Variants in DMD observed in about 807,000 individuals in gnomAD.
The protein encoded by DMD is mutant dystrophin.
In DMD, 63 loss-of-function variants were observed where a neutral mutation model predicts 330.1. The observed-to-expected ratio is 0.19, with a 90% confidence interval of 0.16 to 0.24. DMD has a LOEUF of 0.24. Among genes scored for constraint, DMD ranks in the 10% least tolerant of loss-of-function variants. The probability of loss-of-function intolerance (pLI) is 1.00; values close to 1 mark genes in which losing one functional copy is unlikely to be tolerated. For missense variants in DMD, 3,344 were observed against 2,684.1 expected (o/e 1.25, Z -5.43); for synonymous variants, 1,223 against 959.8 (o/e 1.27, Z -5.07).
At chrX:32,069,195 G>A (rs1287527860) in intron 44 of DMD, among the ~76,000 whole-genome samples, 2 of 111,055 alleles carry the variant, frequency 1.8e-5, no homozygotes, top group South Asian at 7.5e-4. Flanking sequence ...TGTTTCAGAT[G>A]GTGGATATCC....
intron 19 of DMD, among the ~76,000 whole-genome samples, chrX:32,498,624 A>G (rs918438866): frequency 3.6e-5 from 4 of 111,322 alleles, no homozygotes; most frequent in African/African-American, 6.5e-5. Context: ...CGGTCAATAA[A>G]CTCTTAATAT....
intron 9 of DMD, among the ~76,000 whole-genome samples, chrX:32,685,698 C>A (rs1212670109): frequency 2.7e-5 from 3 of 111,570 alleles, no homozygotes; most frequent in African/African-American, 6.5e-5. Flanking sequence ...GGATTTGCTA[C>A]ACATAAAAGA....
chrX:32,724,569 G>A (rs1241272610), intron 7 of DMD, among the ~76,000 whole-genome samples: 3 of 111,550 alleles, frequency 2.7e-5, no homozygotes, highest in Non-Finnish European at 3.8e-5. Context: ...AACCCAATGT[G>A]AAGTATATCA....
At chrX:32,437,500 ATTAT>A (rs1461141778) in intron 29 of DMD, among the ~76,000 whole-genome samples, 1 of 111,724 alleles carries the variant, frequency 9.0e-6, no homozygotes, top group Admixed American at 9.5e-5. Flanking sequence ...CATACGTTAT[ATTAT>A]TTGTTTTTAT....
chrX:31,466,889 A>G (rs1387832610), intron 59 of DMD, among the ~76,000 whole-genome samples: 1 of 111,365 alleles, frequency 9.0e-6, no homozygotes. Context: ...CATCCCTTCT[A>G]AGTTGTATTC....
intron 34 of DMD, among the ~76,000 whole-genome samples, chrX:32,377,066 A>T (rs771422276): frequency 3.9e-4 from 43 of 111,686 alleles, no homozygotes; most frequent in African/African-American, 1.3e-3. Context: ...GTGACTTCTG[A>T]TTCTCCAATT....
At chrX:31,823,390 C>T (rs2092817307) in intron 49 of DMD, among the ~76,000 whole-genome samples, 1 of 111,421 alleles carries the variant, frequency 9.0e-6, no homozygotes, top group East Asian at 2.8e-4. Context: ...AAGAGGAGTT[C>T]AGTAAATATT....
chrX:31,251,164 C>CTTT (rs375001363), intron 63 of DMD, among the ~76,000 whole-genome samples: 1 of 101,942 alleles, frequency 9.8e-6, no homozygotes, highest in Non-Finnish European at 2.0e-5. Flanking sequence ...GTGATAGCTT[C>CTTT]TTTTTTTTTT....
chrX:33,248,186 C>T (rs1334163002), intron 1 of DMD, among the ~76,000 whole-genome samples: 1 of 110,226 alleles, frequency 9.1e-6, no homozygotes, highest in Non-Finnish European at 1.9e-5. Flanking sequence ...CGACTACAGG[C>T]ACCCGCCACC....
At chrX:32,705,588 T>G (rs982322653) in intron 7 of DMD, among the ~76,000 whole-genome samples, 3 of 111,384 alleles carry the variant, frequency 2.7e-5, no homozygotes, top group African/African-American at 9.8e-5. Context: ...ACGAGGCAGG[T>G]GCATCGCCTG....
chrX:32,737,791 A>G (rs1484830870), intron 7 of DMD, among the ~76,000 whole-genome samples: 1 of 111,868 alleles, frequency 8.9e-6, no homozygotes, highest in African/African-American at 3.2e-5. Flanking sequence ...TCAATAGTAC[A>G]TGAATGAGTA....
intron 12 of DMD, among the ~76,000 whole-genome samples, chrX:32,599,732 C>G (rs971725471): frequency 9.0e-6 from 1 of 111,461 alleles, no homozygotes; most frequent in Non-Finnish European, 1.9e-5. Context: ...CATACACATA[C>G]ACATATATAC....
At chrX:31,640,993 A>C (rs1373142778) in intron 54 of DMD, among the ~76,000 whole-genome samples, 2 of 111,862 alleles carry the variant, frequency 1.8e-5, no homozygotes, top group Non-Finnish European at 3.8e-5. Flanking sequence ...GAAAACATGA[A>C]TCTAGAAAAG....
intron 47 of DMD, among the ~76,000 whole-genome samples, chrX:31,917,523 G>A (rs918542802): frequency 4.5e-5 from 5 of 111,633 alleles, no homozygotes; most frequent in African/African-American, 6.5e-5. Flanking sequence ...TTGCAGTGGC[G>A]GTGGTTCATT....
At chrX:32,456,576 CTTTG>C (rs1260331750) in intron 25 of DMD, among the ~76,000 whole-genome samples, 1 of 62,697 alleles carries the variant, frequency 1.6e-5, no homozygotes, top group African/African-American at 6.3e-5. Flanking sequence ...CACATACATA[CTTTG>C]TGTGTGTGTG....
intron 4 of DMD, among the ~76,000 whole-genome samples, chrX:32,832,586 G>C (rs759951081): frequency 9.0e-6 from 1 of 111,166 alleles, no homozygotes; most frequent in East Asian, 2.8e-4. Flanking sequence ...CCATATTCAA[G>C]AGAAACTTCT....
intron 41 of DMD, among the ~76,000 whole-genome samples, chrX:32,320,207 A>G (rs5971622): frequency 0.52 from 57,137 of 109,401 alleles, 12,088 homozygotes; most frequent in South Asian, 0.78. Context: ...TACATTTGTC[A>G]CACCCCTCAG....
intron 26 of DMD, among the ~76,000 whole-genome samples, chrX:32,450,183 T>G (rs965454304): frequency 2.7e-5 from 3 of 110,728 alleles, no homozygotes; most frequent in African/African-American, 9.8e-5. Context: ...ATGTAGAAGT[T>G]GGGCCTGCAT....
In DMD at chrX:32,815,512, T is replaced by TACACACAC. The variant is rs1384950902; in HGVS notation, c.530+955_530+956insGTGTGTGT. ...ACACAAGCATATATATATATATATA[T>TACACACAC]ATATATATACACACACACACACACA... On this transcript the variant is annotated intron_variant, in intron 6 of 78. Coordinates refer to ENST00000357033, the MANE Select transcript of DMD (RefSeq NM_004006.3). 1.1e-3 allele frequency among the ~76,000 whole-genome samples: 68 copies of TACACACAC among 59,637 alleles called. 1 individual carries two copies. The highest frequency in any genetic ancestry group is 5.3e-3 in the African/African-American group (68 of 12,904). The allele number at this position is 59,637 out of a possible 115,157, so 51.8% of individuals were successfully genotyped here. A position where few individuals can be genotyped will look rare whatever the true frequency, so the allele number is the denominator to read the frequency against.
Sources: allele counts gnomAD v4.1 joint callset (sites outside exome capture counted in the v4.1 genomes callset), GRCh38; gene constraint gnomAD v4.1.1; transcripts MANE v1.5; gene names NCBI Gene and HGNC (gene_info 2026-07-23, HGNC 2026-07-21).